The following ZP3 variants were observed in gnomAD, a reference collection of about 807,000 sequenced individuals.
ZP3 encodes zona pellucida sperm-binding protein 3.
In ZP3, 21 loss-of-function variants were observed where a neutral mutation model predicts 35.6. The observed-to-expected ratio is 0.59, with a 90% confidence interval of 0.42 to 0.85. The LOEUF (loss-of-function observed/expected upper bound fraction) is 0.85, where lower values mean the gene tolerates loss of function less well. ZP3 is among the 40% of genes least tolerant of loss of function. The probability of loss-of-function intolerance (pLI) is 0.00; values close to 1 mark genes in which losing one functional copy is unlikely to be tolerated. For missense variants in ZP3, 437 were observed against 536.5 expected (o/e 0.81, Z 1.83); for synonymous variants, 207 against 214.5 (o/e 0.96, Z 0.31).
At chr7:76,417,975 T>C (rs565743150) in intron 1 of ZP3, among the ~76,000 whole-genome samples, 19 of 151,116 alleles carry the variant, frequency 1.3e-4, no homozygotes, top group African/African-American at 3.9e-4. Context: ...TCTCACTCTG[T>C]TGCCCAGGCT....
At chr7:76,433,096 G>A in intron 3 of ZP3, 66 bp downstream of exon 3, 1 of 1,193,534 alleles carries the variant, frequency 8.4e-7, no homozygotes, top group Non-Finnish European at 1.1e-6. Context: ...CCCTGCCCTT[G>A]GCTGTGTCTT....
Position 76,428,483 on chromosome 7 carries a change from C to CA in ZP3, c.313-1028dup, listed in dbSNP as rs1047503817. On this transcript the variant is annotated intron_variant, in intron 1 of 7. Coordinates refer to ENST00000394857, the MANE Select transcript of ZP3 (RefSeq NM_001110354.2). ...GCGTCACATTTTTCTAATATTCTAG[C>CA]AAAATCTTCGAACTTAGGTGTTTGC... is the stretch of plus-strand genomic sequence containing the variant. Among the ~76,000 whole-genome samples the CA allele has an allele frequency of 2.3e-4, 35 of 152,172 alleles. 1 individual carries two copies. Among genetic ancestry groups the CA allele is most frequent in the African/African-American group, 8.4e-4 (35 of 41,444 alleles).
intron 1 of ZP3, among the ~76,000 whole-genome samples, chr7:76,426,088 A>AC (rs1421043350): frequency 6.6e-6 from 1 of 151,826 alleles, no homozygotes; most frequent in African/African-American, 2.4e-5. Context: ...GGCTCAAAAA[A>AC]AAAAAAAAAA....
intron 1 of ZP3, among the ~76,000 whole-genome samples, chr7:76,418,537 C>T (rs1399011527): frequency 9.4e-5 from 8 of 85,298 alleles, no homozygotes; most frequent in African/African-American, 2.9e-4. Context: ...GGCCACGGAG[C>T]GAGATTTCAT....
At chr7:76,405,136 A>G (rs9692598) in intron 1 of ZP3, among the ~76,000 whole-genome samples, 83,826 of 142,094 alleles carry the variant, frequency 0.59, 26,010 homozygotes, top group African/African-American at 0.77. Context: ...ACAGAGTCTC[A>G]CTCTGTGGCC....
chr7:76,405,327 C>CTTTCTTTT (rs1804979611), intron 1 of ZP3, among the ~76,000 whole-genome samples: 2 of 20,846 alleles, frequency 9.6e-5, no homozygotes, highest in African/African-American at 2.2e-4. Context: ...GTATTTTTTT[C>CTTTCTTTT]TTTCTTTCTT....
intron 1 of ZP3, among the ~76,000 whole-genome samples, chr7:76,405,680 G>A (rs1026976747): frequency 6.6e-6 from 1 of 151,968 alleles, no homozygotes; most frequent in African/African-American, 2.4e-5. Flanking sequence ...TGGAGACGAC[G>A]GCAGAGGCAA....
chr7:76,438,297 C>T (rs1483957101), intron 5 of ZP3, among the ~76,000 whole-genome samples: 1 of 152,058 alleles, frequency 6.6e-6, no homozygotes, highest in Non-Finnish European at 1.5e-5. Context: ...GTGGCTCATG[C>T]CAATAATCCC....
chr7:76,430,429 T>C (rs1237492318), intron 2 of ZP3, among the ~76,000 whole-genome samples: 3 of 151,944 alleles, frequency 2.0e-5, no homozygotes, highest in South Asian at 4.2e-4. Context: ...CTTGAACCAG[T>C]CTGGGAGTGG....
intron 1 of ZP3, among the ~76,000 whole-genome samples, chr7:76,399,783 C>G (rs181074528): frequency 6.6e-5 from 10 of 152,260 alleles, no homozygotes; most frequent in Admixed American, 6.5e-4. Flanking sequence ...CTTGGCCTCC[C>G]AAAGTGCTGG....
intron 1 of ZP3, among the ~76,000 whole-genome samples, chr7:76,403,990 G>A (rs1042283314): frequency 6.6e-6 from 1 of 151,972 alleles, no homozygotes. Flanking sequence ...TAGTCCCTAG[G>A]TCATTTGATT....
At chr7:76,426,802 G>A (rs558172347) in intron 1 of ZP3, among the ~76,000 whole-genome samples, 4 of 151,408 alleles carry the variant, frequency 2.6e-5, no homozygotes, top group East Asian at 1.9e-4. Flanking sequence ...GGCTGAGATG[G>A]GAGGATCACT....
At chr7:76,399,951 A>C (rs1487966734) in intron 1 of ZP3, among the ~76,000 whole-genome samples, 1 of 152,172 alleles carries the variant, frequency 6.6e-6, no homozygotes, top group African/African-American at 2.4e-5. Flanking sequence ...TGATCACACC[A>C]CTGCACTCTG....
At chr7:76,437,139 C>T (rs1465238446) in intron 5 of ZP3, among the ~76,000 whole-genome samples, 3 of 147,604 alleles carry the variant, frequency 2.0e-5, no homozygotes, top group African/African-American at 7.5e-5. Context: ...TATGATGGTG[C>T]TATTGCCCTC....
At chr7:76,411,550 C>T (rs1805243889) in intron 1 of ZP3, among the ~76,000 whole-genome samples, 1 of 151,416 alleles carries the variant, frequency 6.6e-6, no homozygotes, top group Non-Finnish European at 1.5e-5. Context: ...GCCTGGGTGA[C>T]AGAGAGAGAC....
rs774461200 is a variant in ZP3, at chr7:76,429,469, C to T, written c.313-46C>T. The stretch of plus-strand genomic sequence containing the variant: ...CACTCAGGTATGGCTTGGGAGTACC[C>T]GGGCAGGTGATGGCCGGCAGCATTA... On this transcript the variant is annotated intron_variant, in intron 1 of 7. Transcript: ENST00000394857. 13 of 1,588,484 alleles carry T rather than the reference C, an allele frequency of 8.2e-6. No homozygotes were observed. In the South Asian group the frequency reaches 8.8e-5, roughly 11 times the overall value.
chr7:76,434,569 C>T (rs1203898754), intron 5 of ZP3, among the ~76,000 whole-genome samples: 1 of 130,140 alleles, frequency 7.7e-6, no homozygotes, highest in African/African-American at 2.7e-5. Flanking sequence ...ACCTGGGAGG[C>T]AGAGGTTGCA....
intron 1 of ZP3, among the ~76,000 whole-genome samples, chr7:76,416,961 T>C (rs1194693612): frequency 2.0e-4 from 29 of 142,616 alleles, no homozygotes; most frequent in African/African-American, 7.6e-4. Flanking sequence ...TATATATATA[T>C]ATATATATAT....
intron 4 of ZP3, 151 bp from the exon 5 acceptor site, chr7:76,433,887 C>T: frequency 1.0e-6 from 1 of 973,472 alleles, no homozygotes; most frequent in Non-Finnish European, 1.5e-6. Context: ...TTAGTAGAGA[C>T]AAGGTTTCAC....
Sources: allele counts gnomAD v4.1 joint callset (sites outside exome capture counted in the v4.1 genomes callset), GRCh38; gene constraint gnomAD v4.1.1; transcripts MANE v1.5; gene names NCBI Gene and HGNC (gene_info 2026-07-23, HGNC 2026-07-21).